CDH23: variants seen among roughly 807,000 people sequenced by gnomAD.
CDH23 encodes cadherin-23.
Under a neutral mutation model 317.1 loss-of-function variants are expected in CDH23, and 189 were observed. That is an observed-to-expected ratio of 0.60 (90% CI 0.53 to 0.67). The LOEUF (loss-of-function observed/expected upper bound fraction) is 0.67, where lower values mean the gene tolerates loss of function less well. CDH23 is among the 30% of genes least tolerant of loss of function. The pLI, the probability that CDH23 is intolerant of heterozygous loss-of-function variation, is 0.00. For synonymous variants in CDH23, 1,839 were observed against 1,876.8 expected (o/e 0.98, Z 0.52); for missense variants, 4,401 against 4,592.4 (o/e 0.96, Z 1.20).
At chr10:71,412,621 G>A (rs1027498403) in intron 1 of CDH23, among the ~76,000 whole-genome samples, 3 of 152,082 alleles carry the variant, frequency 2.0e-5, no homozygotes, top group African/African-American at 7.2e-5. Context: ...TGATCTTCAC[G>A]CCTCAGCTTC....
intron 9 of CDH23, among the ~76,000 whole-genome samples, chr10:71,596,720 G>A (rs1859872145): frequency 6.6e-6 from 1 of 152,224 alleles, no homozygotes; most frequent in Non-Finnish European, 1.5e-5. Context: ...GGGTCACAAA[G>A]TTGTTGGATA....
chr10:71,637,166 G>A (rs987407343), intron 11 of CDH23, among the ~76,000 whole-genome samples: 4 of 152,168 alleles, frequency 2.6e-5, no homozygotes, highest in East Asian at 3.9e-4. Flanking sequence ...ATATGTATTC[G>A]ATGGGCTTTT....
intron 28 of CDH23, among the ~76,000 whole-genome samples, chr10:71,722,646 C>T (rs1866612082): frequency 6.6e-6 from 1 of 152,176 alleles, no homozygotes; most frequent in African/African-American, 2.4e-5. Context: ...GTAGGGAAGG[C>T]CAGGACATTG....
chr10:71,436,128 G>C (rs749432738), intron 1 of CDH23, among the ~76,000 whole-genome samples: 9 of 152,272 alleles, frequency 5.9e-5, no homozygotes, highest in Non-Finnish European at 1.3e-4. Flanking sequence ...GGAGGATGGA[G>C]GCAGAGTCAG....
At chr10:71,753,730 C>T in intron 38 of CDH23, 1 of 456,212 alleles carries the variant, frequency 2.2e-6, no homozygotes, top group Non-Finnish European at 4.4e-6. Context: ...ACAGATGCTT[C>T]TCGTTTTAAG....
At chr10:71,769,771 G>T (rs1046731011) in intron 38 of CDH23, among the ~76,000 whole-genome samples, 32 of 152,210 alleles carry the variant, frequency 2.1e-4, no homozygotes, top group Non-Finnish European at 4.4e-5. Context: ...TGCTTGGCTT[G>T]GTAAGTAGCA....
intron 7 of CDH23, 113 bp from the exon 8 acceptor site, chr10:71,570,677 T>C (rs1243651019): frequency 6.6e-6 from 8 of 1,211,242 alleles, no homozygotes; most frequent in Non-Finnish European, 9.3e-6. Flanking sequence ...TGCGTGTGCA[T>C]GTGTTTGCAC....
chr10:71,527,792 C>T (rs371544254), intron 6 of CDH23, among the ~76,000 whole-genome samples: 1 of 152,196 alleles, frequency 6.6e-6, no homozygotes. Context: ...AAGGCTTCTG[C>T]AATGCACATG....
chr10:71,715,957 G>T, intron 28 of CDH23: 1 of 1,476,722 alleles, frequency 6.8e-7, no homozygotes, highest in South Asian at 1.4e-5. Flanking sequence ...TAGATTCCAT[G>T]TAGTCACAGT....
At chr10:71,792,653 T>A (rs1204963225) in intron 47 of CDH23, among the ~76,000 whole-genome samples, 1 of 151,112 alleles carries the variant, frequency 6.6e-6, no homozygotes, top group East Asian at 1.9e-4. Context: ...AAACCCTTTC[T>A]CTACTAAAAA....
chr10:71,629,822 G>C (rs1002172013), intron 11 of CDH23, among the ~76,000 whole-genome samples: 1 of 152,158 alleles, frequency 6.6e-6, no homozygotes, highest in Admixed American at 6.5e-5. Context: ...GGTTGGGGGA[G>C]AGAAATGGGG....
chr10:71,583,257 G>A (rs1470512643), intron 9 of CDH23, among the ~76,000 whole-genome samples: 1 of 152,018 alleles, frequency 6.6e-6, no homozygotes, highest in East Asian at 1.9e-4. Flanking sequence ...GGTGGGGGCG[G>A]GGGTCCGGTG....
chr10:71,689,808 G>A (rs1865118971), intron 19 of CDH23, among the ~76,000 whole-genome samples: 1 of 152,176 alleles, frequency 6.6e-6, no homozygotes, highest in Non-Finnish European at 1.5e-5. Flanking sequence ...TGGGTGTGAA[G>A]ATTCCAGGAA....
chr10:71,649,845 C>T (rs1026471012), intron 14 of CDH23, among the ~76,000 whole-genome samples: 16 of 152,224 alleles, frequency 1.1e-4, no homozygotes, highest in African/African-American at 2.7e-4. Flanking sequence ...GTTAAGTAGG[C>T]GCTGTTATTC....
chr10:71,761,071 G>A (rs3747868), intron 38 of CDH23: 7 of 748,634 alleles, frequency 9.4e-6, no homozygotes, highest in African/African-American at 1.7e-5. Flanking sequence ...CTGCACACGT[G>A]TGCACCCACA....
At chr10:71,479,897 G>C (rs1851981730) in intron 3 of CDH23, among the ~76,000 whole-genome samples, 1 of 152,184 alleles carries the variant, frequency 6.6e-6, no homozygotes, top group South Asian at 2.1e-4. Context: ...CTGAGATGAT[G>C]TTCCTGTTAG....
chr10:71,768,201 C>T (rs547768743), intron 38 of CDH23, among the ~76,000 whole-genome samples: 1 of 152,258 alleles, frequency 6.6e-6, no homozygotes, highest in Admixed American at 6.5e-5. Flanking sequence ...GATGGAGTCT[C>T]GCTCTGTTGC....
chr10:71,569,456 C>G (rs1213598610), intron 7 of CDH23, among the ~76,000 whole-genome samples: 1 of 152,194 alleles, frequency 6.6e-6, no homozygotes, highest in Non-Finnish European at 1.5e-5. Context: ...AATGTTCGAG[C>G]CTGAGGGGCC....
At chr10:71,420,464 A>ATGATGGTGATGG (rs1848725560) in intron 1 of CDH23, among the ~76,000 whole-genome samples, 2 of 4,458 alleles carry the variant, frequency 4.5e-4, no homozygotes, top group Non-Finnish European at 9.2e-4. Flanking sequence ...GATGATAATG[A>ATGATGGTGATGG]TGATGGTGAT....
Sources: allele counts gnomAD v4.1 joint callset (sites outside exome capture counted in the v4.1 genomes callset), GRCh38; gene constraint gnomAD v4.1.1; transcripts MANE v1.5; gene names NCBI Gene and HGNC (gene_info 2026-07-23, HGNC 2026-07-21).